Variants in EMP1 observed in about 807,000 individuals in gnomAD.
EMP1 encodes tumor-associated membrane protein.
EMP1 carries 5 observed loss-of-function variants against 15.7 expected under a neutral mutation model. The ratio of observed to expected loss-of-function variants is 0.32; its 90% CI spans 0.17 to 0.67. The LOEUF is 0.67. EMP1 is among the 30% of genes least tolerant of loss of function. The probability of loss-of-function intolerance (pLI) is 0.74; values close to 1 mark genes in which losing one functional copy is unlikely to be tolerated. For missense variants in EMP1, 166 were observed against 194.2 expected (o/e 0.85, Z 0.86); for synonymous variants, 78 against 76.7 (o/e 1.02, Z -0.09).
chr12:13,201,353 A>G (rs1014370088), intron 1 of EMP1, among the ~76,000 whole-genome samples: 7 of 152,176 alleles, frequency 4.6e-5, no homozygotes, highest in African/African-American at 1.7e-4. Flanking sequence ...GGCTGTAGTC[A>G]GCTATGATTG....
At position 13,211,635 on chromosome 12, in the gene EMP1, A is replaced by G. The variant is rs774783232; in HGVS notation, c.78+47A>G. ...ATTCATTCATTGAGAAATCATTCGAATATTTACATCAAGTGCACAAAAGAA... is the reference window on the plus strand; with the variant it reads ...ATTCATTCATTGAGAAATCATTCGAGTATTTACATCAAGTGCACAAAAGAA... On this transcript the variant is annotated intron_variant, in intron 2 of 4. Transcript: ENST00000256951. This position sits in a 1 kb window ranked among gnomAD's most constrained non-coding sequence, Gnocchi z 4.7. 25 of 1,602,800 alleles carry G rather than the reference A, an allele frequency of 1.6e-5. No individual in the cohort carries two copies. The African/African-American group carries it at 2.0e-4, about 13-fold the overall frequency.
At chr12:13,206,127 T>TGA (rs1274171420) in intron 1 of EMP1, among the ~76,000 whole-genome samples, 2 of 151,806 alleles carry the variant, frequency 1.3e-5, no homozygotes, top group African/African-American at 4.8e-5. Context: ...AGGAAGGATG[T>TGA]GAGATAAGTA....
Position 13,216,609 on chromosome 12 carries a change from T to C in EMP1, c.*1918T>C. Reference sequence around the variant, plus strand: ...TGTATTCCCTTATCTTTTACTTTTTTTCTGTGACATTTATGTCTCATGTAA... The same window carrying C: ...TGTATTCCCTTATCTTTTACTTTTTCTCTGTGACATTTATGTCTCATGTAA... On this transcript the variant is annotated 3_prime_UTR_variant, in exon 5 of 5. Coordinates refer to ENST00000256951, the MANE Select transcript of EMP1 (RefSeq NM_001423.3). 6.5e-6 allele frequency: 4 copies of C among 611,178 alleles called. No homozygotes were observed. The highest frequency in any genetic ancestry group is 1.2e-5 in the Non-Finnish European group (4 of 344,450). The allele number at this position is 611,178 out of a possible 1,614,324, so 37.9% of individuals were successfully genotyped here. A position where few individuals can be genotyped will look rare whatever the true frequency, so the allele number is the denominator to read the frequency against.
Position 13,214,979 on chromosome 12 carries a change from G to C in EMP1, c.*288G>C, listed in dbSNP as rs57151560. ...CCAGCTGTTCTTAGTGACACACACTGTCTGGGGCCCCATCAGCTGCCACAA... is the reference window on the plus strand; with the variant it reads ...CCAGCTGTTCTTAGTGACACACACTCTCTGGGGCCCCATCAGCTGCCACAA... On this transcript the variant is annotated 3_prime_UTR_variant, in exon 5 of 5. Transcript: ENST00000256951. 0.013 allele frequency: 4,671 copies of C among 364,198 alleles called. 373 individuals carry two copies. In the East Asian group the frequency reaches 0.2, roughly 16 times the overall value. 22.6% of individuals were successfully genotyped at this position (364,198 alleles called of 1,614,324 possible).
chr12:13,210,836 C>T (rs1049645831), intron 1 of EMP1, among the ~76,000 whole-genome samples: 3 of 152,212 alleles, frequency 2.0e-5, no homozygotes, highest in Non-Finnish European at 4.4e-5. Flanking sequence ...GTGACCAGAC[C>T]ATTAAACTGT....
chr12:13,199,018 G>GCGGGGA (rs1283588641), intron 1 of EMP1, among the ~76,000 whole-genome samples: 1 of 151,968 alleles, frequency 6.6e-6, no homozygotes, highest in Non-Finnish European at 1.5e-5. Flanking sequence ...GAAGAATGGG[G>GCGGGGA]CGGGGGCGGG....
At position 13,211,348 on chromosome 12, in the gene EMP1, T is replaced by G; in HGVS notation, c.-42-121T>G. 1 of 707,064 alleles carries G rather than the reference T, an allele frequency of 1.4e-6. No homozygotes were observed. The highest frequency in any genetic ancestry group is 1.7e-5 in the South Asian group (1 of 60,326). The allele number at this position is 707,064 out of a possible 1,614,324, so 43.8% of individuals were successfully genotyped here. A position where few individuals can be genotyped will look rare whatever the true frequency, so the allele number is the denominator to read the frequency against. On this transcript the variant is annotated intron_variant, in intron 1 of 4. Coordinates refer to ENST00000256951, the MANE Select transcript of EMP1 (RefSeq NM_001423.3). This position sits in a 1 kb window ranked among gnomAD's most constrained non-coding sequence, Gnocchi z 4.7. ...GTGTTTTCAGGAATTTATGATTAGA[T>G]TGTGATGGTTTTTAGTGCAGCTCTT... is the stretch of plus-strand genomic sequence containing the variant.
chr12:13,202,337 T>G (rs1864073294), intron 1 of EMP1, among the ~76,000 whole-genome samples: 1 of 152,246 alleles, frequency 6.6e-6, no homozygotes, highest in Non-Finnish European at 1.5e-5. Context: ...CCCACCAGGC[T>G]GGAACCTCTT....
chr12:13,213,463 T>C lies in EMP1; in HGVS notation c.79-16T>C. On this transcript the variant is annotated splice_polypyrimidine_tract_variant and intron_variant, in intron 2 of 4. Coordinates refer to ENST00000256951, the MANE Select transcript of EMP1 (RefSeq NM_001423.3). The stretch of plus-strand genomic sequence containing the variant: ...GGCCAGCTTTCAATTAACATTTTCT[T>C]TCCTTCTGGTTTCAGGTCTGGTTGG... The C allele has an allele frequency of 6.2e-7, 1 of 1,611,856 alleles. No individual in the cohort carries two copies. Among genetic ancestry groups the C allele is most frequent in the South Asian group, 1.1e-5 (1 of 90,680 alleles).
intron 1 of EMP1, chr12:13,209,691 A>G (rs1393091208): frequency 6.6e-6 from 1 of 152,178 alleles, no homozygotes; most frequent in Non-Finnish European, 1.5e-5. Flanking sequence ...AAATGAGGAA[A>G]CAGATGAGCG....
rs1864102891 is a variant in EMP1, at chr12:13,205,404, G to A, written c.-42-6065G>A. Among the ~76,000 whole-genome samples, 3 of 152,022 alleles carry A rather than the reference G, an allele frequency of 2.0e-5. No individual in the cohort carries two copies. In the South Asian group the frequency reaches 6.2e-4, roughly 32 times the overall value. On this transcript the variant is annotated intron_variant, in intron 1 of 4. Coordinates refer to ENST00000256951, the MANE Select transcript of EMP1 (RefSeq NM_001423.3). ...TATTTATATAGAAATATATAACAAAGTTTGCATACAATAAGATGCTCAATA... is the reference window on the plus strand; with the variant it reads ...TATTTATATAGAAATATATAACAAAATTTGCATACAATAAGATGCTCAATA...
intron 1 of EMP1, among the ~76,000 whole-genome samples, chr12:13,210,151 A>G (rs1864151841): frequency 6.6e-6 from 1 of 152,230 alleles, no homozygotes; most frequent in Non-Finnish European, 1.5e-5. Context: ...GAATTATAGT[A>G]TCAGTGCTCT....
intron 1 of EMP1, chr12:13,199,225 A>G (rs189237709): frequency 0.014 from 2,065 of 152,554 alleles, 29 homozygotes; most frequent in Non-Finnish European, 0.02. Flanking sequence ...CCTTCTGTGG[A>G]GAGTGGAAAG....
Position 13,216,419 on chromosome 12 carries a change from A to G in EMP1, c.*1728A>G. 1 of 702,484 alleles carries G rather than the reference A, an allele frequency of 1.4e-6. No homozygotes were observed. The highest frequency in any genetic ancestry group is 1.5e-5 in the South Asian group (1 of 67,584). 43.5% of individuals were successfully genotyped at this position (702,484 alleles called of 1,614,324 possible). A position where few individuals can be genotyped will look rare whatever the true frequency, so the allele number is the denominator to read the frequency against. Reference sequence around the variant, plus strand: ...AATTACCTAGGCTGAGGTTAGAGAGATTGGCCAGCAAAAACTGTGGGAAGA... The same window carrying G: ...AATTACCTAGGCTGAGGTTAGAGAGGTTGGCCAGCAAAAACTGTGGGAAGA... On this transcript the variant is annotated 3_prime_UTR_variant, in exon 5 of 5. Transcript: ENST00000256951.
rs1328753734 is a variant in EMP1 at position 13,211,268 on chromosome 12, G to C, written c.-42-201G>C. Among the ~76,000 whole-genome samples, 1 of 152,176 alleles carries C rather than the reference G, an allele frequency of 6.6e-6. No individual in the cohort carries two copies. Among genetic ancestry groups the C allele is most frequent in the Admixed American group, 6.5e-5 (1 of 15,288 alleles). On this transcript the variant is annotated intron_variant, in intron 1 of 4. Transcript: ENST00000256951. This position sits in a 1 kb window ranked among gnomAD's most constrained non-coding sequence, Gnocchi z 4.7. ...AGAAACCAAATTCTGTTTCCATGTA[G>C]GTATGTATAACTGGATGAATAGGCA...
At chr12:13,198,638 A>G (rs1304325226) in intron 1 of EMP1, among the ~76,000 whole-genome samples, 4 of 152,246 alleles carry the variant, frequency 2.6e-5, no homozygotes, top group Non-Finnish European at 4.4e-5. Context: ...TGTGAAAATT[A>G]TACAAATCTT....
intron 1 of EMP1, among the ~76,000 whole-genome samples, chr12:13,197,485 A>G (rs1392710461): frequency 6.6e-6 from 1 of 152,148 alleles, no homozygotes; most frequent in Non-Finnish European, 1.5e-5. Flanking sequence ...TTGTTTAAAG[A>G]AAACTGTTGG....
rs1156711728 is a variant in EMP1 at position 13,214,772 on chromosome 12, A to G, written c.*81A>G. ...GGGAGGGAAGTGGAGGTTGCTGTAC[A>G]GGAAAAACCGAGATAGGGGAGGGGG... is the stretch of plus-strand genomic sequence containing the variant. On this transcript the variant is annotated 3_prime_UTR_variant, in exon 5 of 5. Coordinates refer to ENST00000256951, the MANE Select transcript of EMP1 (RefSeq NM_001423.3). 2.1e-6 allele frequency: 1 copy of G among 476,464 alleles called. No individual in the cohort carries two copies. The highest frequency in any genetic ancestry group is 2.8e-5 in the African/African-American group (1 of 36,322). 29.5% of individuals were successfully genotyped at this position (476,464 alleles called of 1,614,324 possible). A position where few individuals can be genotyped will look rare whatever the true frequency, so the allele number is the denominator to read the frequency against.
In EMP1 at chr12:13,214,758, G is replaced by A; in HGVS notation, c.*67G>A. On this transcript the variant is annotated 3_prime_UTR_variant, in exon 5 of 5. Transcript: ENST00000256951. ...AAGCCGTTGAATCTGGGAGGGAAGT[G>A]GAGGTTGCTGTACAGGAAAAACCGA... The A allele has an allele frequency of 1.6e-6, 2 of 1,263,572 alleles. No homozygotes were observed. The highest frequency in any genetic ancestry group is 2.1e-6 in the Non-Finnish European group (2 of 961,266). The allele number at this position is 1,263,572 out of a possible 1,614,324, so 78.3% of individuals were successfully genotyped here.
Sources: gnomAD v4.1 joint callset for allele counts (sites outside exome capture counted in the v4.1 genomes callset) on GRCh38, gnomAD v4.1.1 for gene constraint, Gnocchi (gnomAD v3.1) non-coding constraint, MANE v1.5 for transcripts, NCBI Gene and HGNC (gene_info 2026-07-23, HGNC 2026-07-21) for gene names.